CTNNA3: variants seen among roughly 807,000 people sequenced by gnomAD.
CTNNA3 encodes catenin alpha 3, also known as catenin alpha-3.
In CTNNA3, 76 loss-of-function variants were observed where a neutral mutation model predicts 95.7. The observed-to-expected ratio is 0.79, with a 90% CI of 0.66 to 0.96. CTNNA3 has a LOEUF of 0.96. CTNNA3 is among the 40% of genes least tolerant of loss of function. CTNNA3 has a pLI of 0.00. For synonymous variants in CTNNA3, 431 were observed against 374.4 expected (o/e 1.15, Z -1.74); for missense variants, 1,191 against 1,089.8 (o/e 1.09, Z -1.31).
chr10:67,020,624 G>T (rs563724367), intron 7 of CTNNA3, among the ~76,000 whole-genome samples: 1 of 152,182 alleles, frequency 6.6e-6, no homozygotes, highest in Non-Finnish European at 1.5e-5. Context: ...GATTGCTTAA[G>T]GACAGCCCCT....
intron 7 of CTNNA3, among the ~76,000 whole-genome samples, chr10:66,846,359 CA>C (rs1387148529): frequency 6.6e-6 from 1 of 151,814 alleles, no homozygotes; most frequent in Admixed American, 6.6e-5. Flanking sequence ...TTCAATTAAG[CA>C]AGATAAATAA....
intron 17 of CTNNA3, among the ~76,000 whole-genome samples, chr10:65,944,228 C>T (rs1342485134): frequency 6.6e-6 from 1 of 152,208 alleles, no homozygotes. Context: ...TTGCACAGAT[C>T]CCTCAAAGAG....
chr10:66,737,979 A>G (rs1849203398), intron 9 of CTNNA3, among the ~76,000 whole-genome samples: 1 of 152,138 alleles, frequency 6.6e-6, no homozygotes, highest in Non-Finnish European at 1.5e-5. Flanking sequence ...TTTAAGTAAC[A>G]TCCTTCTCTT....
intron 14 of CTNNA3, among the ~76,000 whole-genome samples, chr10:66,082,720 TC>T (rs2080811288): frequency 6.6e-6 from 1 of 152,126 alleles, no homozygotes; most frequent in African/African-American, 2.4e-5. Flanking sequence ...TAAAATTACT[TC>T]AAAATAAAAA....
At chr10:66,900,856 C>T (rs148193588) in intron 7 of CTNNA3, among the ~76,000 whole-genome samples, 8,731 of 152,214 alleles carry the variant, frequency 0.057, 323 homozygotes, top group Middle Eastern at 0.095. Context: ...TGAACAAAGT[C>T]TCCAAGAAAT....
intron 17 of CTNNA3, among the ~76,000 whole-genome samples, chr10:65,960,926 T>C (rs1564542108): frequency 6.6e-6 from 1 of 152,220 alleles, no homozygotes; most frequent in Non-Finnish European, 1.5e-5. Context: ...AATGTGATTA[T>C]ATCTTAATTC....
intron 13 of CTNNA3, among the ~76,000 whole-genome samples, chr10:66,266,975 T>C (rs2091173644): frequency 1.3e-5 from 2 of 151,990 alleles, no homozygotes; most frequent in Admixed American, 6.6e-5. Context: ...GTAGTAAATA[T>C]ATTGTAAGAG....
At chr10:66,748,482 A>G (rs1253309224) in intron 9 of CTNNA3, among the ~76,000 whole-genome samples, 2 of 152,132 alleles carry the variant, frequency 1.3e-5, no homozygotes, top group African/African-American at 4.8e-5. Flanking sequence ...TATATAATTA[A>G]TATCCTGGAG....
At chr10:67,195,259 T>C (rs1863297922) in intron 6 of CTNNA3, among the ~76,000 whole-genome samples, 1 of 152,088 alleles carries the variant, frequency 6.6e-6, no homozygotes, top group African/African-American at 2.4e-5. Context: ...GAAATAAATA[T>C]GGATACTTAT....
intron 12 of CTNNA3, among the ~76,000 whole-genome samples, chr10:66,370,949 T>A (rs1367201566): frequency 6.6e-6 from 1 of 152,026 alleles, no homozygotes; most frequent in South Asian, 2.1e-4. Context: ...TCTCGAACAC[T>A]TGGGTTCAAG....
chr10:66,148,904 G>T (rs1034191874), intron 13 of CTNNA3, among the ~76,000 whole-genome samples: 30 of 151,542 alleles, frequency 2.0e-4, no homozygotes, highest in African/African-American at 7.3e-4. Flanking sequence ...TATTCAATAA[G>T]TTTTAAATAG....
At chr10:67,523,430 A>C (rs923148487) in intron 4 of CTNNA3, among the ~76,000 whole-genome samples, 1 of 152,176 alleles carries the variant, frequency 6.6e-6, no homozygotes, top group Non-Finnish European at 1.5e-5. Flanking sequence ...TTCTCATTCT[A>C]TAATTGAGTA....
At chr10:66,491,257 T>C (rs1204909085) in intron 11 of CTNNA3, among the ~76,000 whole-genome samples, 2 of 152,156 alleles carry the variant, frequency 1.3e-5, no homozygotes, top group East Asian at 1.9e-4. Context: ...TAATAGCATA[T>C]CATGTTTTAT....
At chr10:67,692,091 C>A (rs1840874098) in intron 1 of CTNNA3, among the ~76,000 whole-genome samples, 1 of 148,716 alleles carries the variant, frequency 6.7e-6, no homozygotes. Context: ...CCCCGCCCGG[C>A]CAGCTGCCCC....
intron 5 of CTNNA3, among the ~76,000 whole-genome samples, chr10:67,328,567 G>A (rs993181154): frequency 9.9e-5 from 15 of 152,230 alleles, no homozygotes; most frequent in Non-Finnish European, 1.6e-4. Context: ...GGGTTCCAGA[G>A]GCCTGTGGCA....
intron 7 of CTNNA3, among the ~76,000 whole-genome samples, chr10:66,859,951 G>T (rs1170599786): frequency 7.8e-6 from 1 of 127,734 alleles, no homozygotes; most frequent in African/African-American, 3.0e-5. Context: ...TCACTCATAG[G>T]TGGGAACTGA....
In CTNNA3 at chr10:66,444,704, C is replaced by A. The variant is rs180793084; in HGVS notation, c.1532-65352G>T. On this transcript the variant is annotated intron_variant, in intron 11 of 17. Transcript: ENST00000433211. ...AAACATGGAAAGCAACAACCGGTAC[C>A]AGCCACTGCAAAAACATACCAAAAT... Among the ~76,000 whole-genome samples, 577 of 152,296 alleles carry A rather than the reference C, an allele frequency of 3.8e-3. 2 individuals are homozygous for A. Among genetic ancestry groups the A allele is most frequent in the South Asian group, 0.015 (71 of 4,822 alleles).
intron 9 of CTNNA3, among the ~76,000 whole-genome samples, chr10:66,622,322 T>C (rs191933190): frequency 3.9e-5 from 6 of 152,316 alleles, no homozygotes; most frequent in Non-Finnish European, 8.8e-5. Flanking sequence ...TACAACTTCA[T>C]GGGCACTGTT....
At chr10:67,211,647 C>A (rs1358897544) in intron 6 of CTNNA3, among the ~76,000 whole-genome samples, 1 of 152,090 alleles carries the variant, frequency 6.6e-6, no homozygotes, top group African/African-American at 2.4e-5. Context: ...TTCCTCTACT[C>A]ATATAATTCA....
Sources: gnomAD v4.1 joint callset for allele counts (sites outside exome capture counted in the v4.1 genomes callset) on GRCh38, gnomAD v4.1.1 for gene constraint, MANE v1.5 for transcripts, NCBI Gene and HGNC (gene_info 2026-07-23, HGNC 2026-07-21) for gene names.